The following TENM3 variants were observed in gnomAD, a reference collection of about 807,000 sequenced individuals.
TENM3 encodes the protein teneurin transmembrane protein 3, also known as teneurin-3.
Under a neutral mutation model 255.1 loss-of-function variants are expected in TENM3, and 63 were observed. The ratio of observed to expected loss-of-function variants is 0.25; its 90% CI spans 0.20 to 0.30. The LOEUF (loss-of-function observed/expected upper bound fraction) is 0.30. Among genes scored for constraint, TENM3 ranks in the 10% least tolerant of loss-of-function variants. The pLI is 1.00. For missense variants in TENM3, 2,929 were observed against 3,461.1 expected (o/e 0.85, Z 3.86); for synonymous variants, 1,306 against 1,322.3 (o/e 0.99, Z 0.27).
chr4:182,400,134 A>G (rs1769126054), intron 3 of TENM3, among the ~76,000 whole-genome samples: 1 of 152,136 alleles, frequency 6.6e-6, no homozygotes, highest in Non-Finnish European at 1.5e-5. Flanking sequence ...ATGCATTTTC[A>G]GCTTTAGTAT....
the TENM3 span, among the ~76,000 whole-genome samples, chr4:181,800,122 T>C: frequency 1.3e-5 from 2 of 152,144 alleles, no homozygotes; most frequent in Non-Finnish European, 1.5e-5. Flanking sequence ...GCAACTGTTA[T>C]TAAAAACAAT....
intron 2 of TENM3, among the ~76,000 whole-genome samples, chr4:182,339,683 A>G (rs1278858304): frequency 1.3e-5 from 2 of 152,070 alleles, no homozygotes; most frequent in Non-Finnish European, 2.9e-5. Flanking sequence ...CCCATTTTGG[A>G]TCCACAGTGT....
At chr4:182,736,162 TACCTCTCA>T (rs1238327478) in intron 16 of TENM3, among the ~76,000 whole-genome samples, 5 of 152,238 alleles carry the variant, frequency 3.3e-5, no homozygotes, top group Admixed American at 1.3e-4. Flanking sequence ...ATTATTACAT[TACCTCTCA>T]ACATGGATAT....
chr4:181,598,251 A>G, the TENM3 span, among the ~76,000 whole-genome samples: 1 of 152,180 alleles, frequency 6.6e-6, no homozygotes, highest in Non-Finnish European at 1.5e-5. Context: ...AACTCTAGCT[A>G]TTAATATCCC....
intron 3 of TENM3, among the ~76,000 whole-genome samples, chr4:182,365,364 G>T (rs1273431960): frequency 6.6e-6 from 1 of 152,176 alleles, no homozygotes; most frequent in Non-Finnish European, 1.5e-5. Flanking sequence ...CGATGAGACA[G>T]GTTTGGTTGC....
the TENM3 span, among the ~76,000 whole-genome samples, chr4:181,912,847 T>C: frequency 1.3e-5 from 2 of 151,480 alleles, no homozygotes; most frequent in Non-Finnish European, 2.9e-5. Context: ...GAATCTCTAC[T>C]TGAGAGATAA....
the TENM3 span, among the ~76,000 whole-genome samples, chr4:181,523,283 G>T: frequency 2.0e-5 from 3 of 152,250 alleles, no homozygotes; most frequent in South Asian, 6.2e-4. Flanking sequence ...ACATTCAAAT[G>T]AGTGCGTTAA....
the TENM3 span, among the ~76,000 whole-genome samples, chr4:182,000,783 A>G: frequency 1.3e-5 from 2 of 150,048 alleles, no homozygotes; most frequent in African/African-American, 5.1e-5. Flanking sequence ...GCCGAATTAG[A>G]GAAGTCAGCG....
the TENM3 span, among the ~76,000 whole-genome samples, chr4:181,544,905 T>G: frequency 1.3e-5 from 2 of 152,350 alleles, no homozygotes; most frequent in East Asian, 3.9e-4. Flanking sequence ...TTGCTTTTTC[T>G]TCCTGCATGA....
the TENM3 span, among the ~76,000 whole-genome samples, chr4:181,710,382 G>T: frequency 1.3e-5 from 2 of 152,084 alleles, no homozygotes; most frequent in Non-Finnish European, 1.5e-5. Context: ...GGAGGAGCAC[G>T]TTGGATCTGG....
At chr4:182,620,602 A>G (rs1459909742) in intron 4 of TENM3, among the ~76,000 whole-genome samples, 1 of 152,242 alleles carries the variant, frequency 6.6e-6, no homozygotes, top group Non-Finnish European at 1.5e-5. Context: ...CGTCTACACA[A>G]AATGACACCA....
chr4:181,746,439 TG>T, the TENM3 span, among the ~76,000 whole-genome samples: 2 of 152,146 alleles, frequency 1.3e-5, no homozygotes, highest in African/African-American at 2.4e-5. Context: ...GCGAATGGCC[TG>T]GGGGGTCTGC....
intron 3 of TENM3, among the ~76,000 whole-genome samples, chr4:182,394,548 A>G (rs185498493): frequency 7.9e-4 from 121 of 152,324 alleles, no homozygotes; most frequent in African/African-American, 2.8e-3. Context: ...TGAGAGCAGT[A>G]TAATTTCAAA....
At chr4:182,763,996 T>G (rs1452456803) in intron 22 of TENM3, among the ~76,000 whole-genome samples, 2 of 152,124 alleles carry the variant, frequency 1.3e-5, no homozygotes, top group East Asian at 3.9e-4. Flanking sequence ...TGTACCCCAT[T>G]CTCCTTAACA....
chr4:182,734,046 A>G (rs1760982130), intron 16 of TENM3, among the ~76,000 whole-genome samples: 1 of 152,222 alleles, frequency 6.6e-6, no homozygotes, highest in Non-Finnish European at 1.5e-5. Flanking sequence ...TGTACAAGGT[A>G]CTTTACTAAG....
chr4:182,654,196 A>G (rs1753563040), intron 6 of TENM3, among the ~76,000 whole-genome samples: 1 of 152,112 alleles, frequency 6.6e-6, no homozygotes, highest in East Asian at 1.9e-4. Flanking sequence ...AATTCAGTGT[A>G]TCATCTCTTG....
chr4:182,669,311 C>T (rs1353655875), intron 6 of TENM3, among the ~76,000 whole-genome samples: 2 of 151,684 alleles, frequency 1.3e-5, no homozygotes, highest in African/African-American at 4.8e-5. Flanking sequence ...ACTCTGTTGC[C>T]CAGGCTGGAG....
chr4:181,699,667 C>A, the TENM3 span, among the ~76,000 whole-genome samples: 1 of 152,010 alleles, frequency 6.6e-6, no homozygotes, highest in Admixed American at 6.6e-5. Flanking sequence ...GGCTTTAAAT[C>A]AATCAGACAT....
chr4:182,547,539 C>T (rs1268384537), intron 3 of TENM3, among the ~76,000 whole-genome samples: 4 of 152,014 alleles, frequency 2.6e-5, no homozygotes, highest in East Asian at 3.9e-4. Flanking sequence ...GAACATATTA[C>T]GTCACCTCCG....
Sources: allele counts gnomAD v4.1 joint callset (sites outside exome capture counted in the v4.1 genomes callset), GRCh38; gene constraint gnomAD v4.1.1; transcripts MANE v1.5; gene names NCBI Gene and HGNC (gene_info 2026-07-23, HGNC 2026-07-21).